Variants in ATP9B observed in about 807,000 individuals in gnomAD.
ATP9B encodes ATPase phospholipid transporting 9B, also known as probable phospholipid-transporting ATPase IIB.
ATP9B carries 110 observed loss-of-function variants against 146.1 expected under a neutral mutation model. The ratio of observed to expected loss-of-function variants is 0.75; its 90% confidence interval spans 0.65 to 0.88. ATP9B has a LOEUF of 0.88. Among genes scored for constraint, ATP9B ranks in the 40% least tolerant of loss-of-function variants. The pLI is 0.00. For missense variants in ATP9B, 1,499 were observed against 1,496.4 expected (o/e 1.00, Z -0.03); for synonymous variants, 604 against 569.7 (o/e 1.06, Z -0.86).
At chr18:79,373,179 G>A (rs2097082548) in intron 27 of ATP9B, among the ~76,000 whole-genome samples, 1 of 152,086 alleles carries the variant, frequency 6.6e-6, no homozygotes, top group African/African-American at 2.4e-5. Flanking sequence ...CTTTCATAGA[G>A]TGATAAAAAG....
At chr18:79,132,149 CCTT>C (rs1461465772) in intron 5 of ATP9B, among the ~76,000 whole-genome samples, 5 of 141,342 alleles carry the variant, frequency 3.5e-5, no homozygotes, top group East Asian at 2.6e-4. Flanking sequence ...TTGAGGAAGA[CCTT>C]CTGCTGTTAC....
At chr18:79,070,376 T>C (rs1269147150) in intron 1 of ATP9B, among the ~76,000 whole-genome samples, 2 of 152,250 alleles carry the variant, frequency 1.3e-5, no homozygotes, top group African/African-American at 2.4e-5. Flanking sequence ...GTTATAACGC[T>C]GATTTGAGTG....
At chr18:79,243,949 A>G (rs2095914114) in intron 11 of ATP9B, among the ~76,000 whole-genome samples, 1 of 152,234 alleles carries the variant, frequency 6.6e-6, no homozygotes, top group Non-Finnish European at 1.5e-5. Flanking sequence ...ATTACTGAAG[A>G]AATTTCTCAC....
In ATP9B at chr18:79,277,841, A is replaced by G. The variant is rs553014290; in HGVS notation, c.1411+645A>G. Among the ~76,000 whole-genome samples, 3 of 152,358 alleles carry G rather than the reference A, an allele frequency of 2.0e-5. No individual in the cohort carries two copies. In the East Asian group the frequency reaches 5.8e-4, roughly 29 times the overall value. On this transcript the variant is annotated intron_variant, in intron 13 of 29. Transcript: ENST00000426216. ...TTGATTTGTAATTTAAATTGCAAGT[A>G]ATTCTTAGTGAACTAAAAATAAAAG... is the stretch of plus-strand genomic sequence containing the variant.
intron 26 of ATP9B, among the ~76,000 whole-genome samples, chr18:79,370,546 GTGTCTGTACCATCAAATA>G (rs2097063211): frequency 6.6e-6 from 1 of 152,180 alleles, no homozygotes; most frequent in Admixed American, 6.5e-5. Context: ...TATGAGTAAC[GTGTCTGTACCATCAAATA>G]TAACAGGATT....
intron 12 of ATP9B, among the ~76,000 whole-genome samples, chr18:79,260,444 G>A (rs2096128477): frequency 6.6e-6 from 1 of 152,184 alleles, no homozygotes; most frequent in Admixed American, 6.5e-5. Flanking sequence ...GGGACACAGA[G>A]CCAGACCATT....
rs569072438 is a variant in ATP9B at position 79,332,114 on chromosome 18, T to A, written c.2028+2010T>A. Among the ~76,000 whole-genome samples the A allele has an allele frequency of 3.1e-3, 478 of 152,332 alleles. 2 individuals are homozygous for A. Among genetic ancestry groups the A allele is most frequent in the African/African-American group, 0.011 (465 of 41,582 alleles). Reference sequence around the variant, plus strand: ...TTCTGCATTGTTACAAGAAAGTAACTTAGAGCAAAGAAAGTGTTATTAAGA... The same window carrying A: ...TTCTGCATTGTTACAAGAAAGTAACATAGAGCAAAGAAAGTGTTATTAAGA... On this transcript the variant is annotated intron_variant, in intron 17 of 29. Coordinates refer to ENST00000426216, the MANE Select transcript of ATP9B (RefSeq NM_198531.5).
intron 6 of ATP9B, among the ~76,000 whole-genome samples, chr18:79,148,927 T>G (rs2094637103): frequency 6.6e-6 from 1 of 152,124 alleles, no homozygotes; most frequent in Admixed American, 6.5e-5. Flanking sequence ...ATAATGAAAA[T>G]GTGGGCACAG....
chr18:79,073,438 C>T (rs138072323), intron 1 of ATP9B, among the ~76,000 whole-genome samples: 5,167 of 152,302 alleles, frequency 0.034, 300 homozygotes, highest in African/African-American at 0.12. Context: ...ACCAGCCTGG[C>T]CAACACGGAG....
intron 11 of ATP9B, among the ~76,000 whole-genome samples, chr18:79,249,974 T>A (rs571310318): frequency 5.1e-4 from 78 of 152,312 alleles, no homozygotes; most frequent in African/African-American, 1.6e-3. Context: ...CTTGAAAAGT[T>A]ATATTTTATT....
chr18:79,253,665 CTGAGGAATCT>C (rs1285490306), intron 12 of ATP9B, 124 bp downstream of exon 12: 2 of 1,051,384 alleles, frequency 1.9e-6, no homozygotes, highest in South Asian at 1.8e-5. Context: ...GCCAGAAGTT[CTGAGGAATCT>C]TGAGGAATTC....
At chr18:79,230,319 A>G (rs1218130961) in intron 11 of ATP9B, among the ~76,000 whole-genome samples, 1 of 152,158 alleles carries the variant, frequency 6.6e-6, no homozygotes, top group Non-Finnish European at 1.5e-5. Flanking sequence ...AGAAAACACT[A>G]AAGACTCATC....
chr18:79,275,472 A>G (rs1487745945), intron 12 of ATP9B, among the ~76,000 whole-genome samples: 1 of 152,162 alleles, frequency 6.6e-6, no homozygotes, highest in Non-Finnish European at 1.5e-5. Context: ...TTTAGTAACC[A>G]TTTGCAGGAA....
intron 11 of ATP9B, among the ~76,000 whole-genome samples, chr18:79,241,661 G>A (rs557838898): frequency 2.6e-5 from 4 of 152,242 alleles, no homozygotes; most frequent in South Asian, 2.1e-4. Flanking sequence ...CAACCTTTTC[G>A]TCATTATGCA....
intron 8 of ATP9B, among the ~76,000 whole-genome samples, chr18:79,186,511 A>C (rs2095309463): frequency 1.3e-5 from 2 of 152,046 alleles, no homozygotes; most frequent in Admixed American, 1.3e-4. Flanking sequence ...TTCATGTATC[A>C]AAAAGTAGTT....
chr18:79,137,164 T>C lies in ATP9B; in HGVS notation c.668-6638T>C, dbSNP rs914055521. ...GGAAGTTTGATTTGGGTCTTTTTTG[T>C]ATCCTTCATGTCTCTCACTTTCTGG... On this transcript the variant is annotated intron_variant, in intron 5 of 29. Coordinates refer to ENST00000426216, the MANE Select transcript of ATP9B (RefSeq NM_198531.5). 1.5e-4 allele frequency among the ~76,000 whole-genome samples: 23 copies of C among 152,206 alleles called. 1 individual carries two copies.
intron 1 of ATP9B, among the ~76,000 whole-genome samples, chr18:79,086,716 A>G (rs2073870049): frequency 6.6e-6 from 1 of 152,060 alleles, no homozygotes; most frequent in African/African-American, 2.4e-5. Context: ...TAGCAGTGTT[A>G]TTTCTTATTT....
chr18:79,221,250 G>A (rs1333884340), intron 11 of ATP9B, among the ~76,000 whole-genome samples: 2 of 152,140 alleles, frequency 1.3e-5, no homozygotes, highest in Non-Finnish European at 2.9e-5. Context: ...GACTACCCCC[G>A]AGTCATCCCA....
chr18:79,179,129 A>G (rs1232411105), intron 8 of ATP9B, among the ~76,000 whole-genome samples: 1 of 152,314 alleles, frequency 6.6e-6, no homozygotes, highest in Admixed American at 6.5e-5. Context: ...AATGGCATAA[A>G]GTTCATAATA....
Sources: gnomAD v4.1 joint callset for allele counts (sites outside exome capture counted in the v4.1 genomes callset) on GRCh38, gnomAD v4.1.1 for gene constraint, MANE v1.5 for transcripts, NCBI Gene and HGNC (gene_info 2026-07-23, HGNC 2026-07-21) for gene names.